The following PNLDC1 variants were observed in gnomAD, a reference collection of about 807,000 sequenced individuals.
PNLDC1 encodes the protein PARN like ribonuclease domain containing exonuclease 1.
A neutral mutation model predicts 82.0 loss-of-function variants in PNLDC1; 70 were observed. That is an observed-to-expected ratio of 0.85 (90% CI 0.70 to 1.04). The LOEUF (loss-of-function observed/expected upper bound fraction) is 1.04. PNLDC1 is among the 50% of genes least tolerant of loss of function. PNLDC1 has a pLI of 0.00. For missense variants in PNLDC1, 631 were observed against 661.1 expected (o/e 0.95, Z 0.50); for synonymous variants, 280 against 249.3 (o/e 1.12, Z -1.16).
At chr6:159,810,969 T>C (rs550483405) in intron 10 of PNLDC1, among the ~76,000 whole-genome samples, 19 of 152,340 alleles carry the variant, frequency 1.2e-4, no homozygotes, top group African/African-American at 3.6e-4. Flanking sequence ...GAAGTCATTG[T>C]AGCCACCACA....
Position 159,819,499 on chromosome 6 carries a change from T to C in PNLDC1, c.1532+147T>C. On this transcript the variant is annotated intron_variant, in intron 18 of 18. Transcript: ENST00000392167. This position sits in a 1 kb window ranked among gnomAD's most constrained non-coding sequence, Gnocchi z 4.6. ...GTGTTGACGAGTGTGGTGCCCTGAA[T>C]GTCCTTCAGTGATGCCGCGTGTCTG... 4.4e-6 allele frequency: 3 copies of C among 681,866 alleles called. No individual in the cohort carries two copies. Among genetic ancestry groups the C allele is most frequent in the South Asian group, 1.8e-5 (1 of 54,124 alleles). 42.2% of individuals were successfully genotyped at this position (681,866 alleles called of 1,614,324 possible).
Position 159,805,992 on chromosome 6 carries a change from T to TA in PNLDC1, c.474dup (p.Asp159ArgfsTer8). The TA allele has an allele frequency of 6.2e-7, 1 of 1,614,072 alleles. No homozygotes were observed. ...ATGCGCCCATTTTCAGCTCTCCGGA[T>TA]AAAGACCAAATCAAGGTGGTGATTG... On this transcript the variant is annotated frameshift_variant, in exon 7 of 19. Transcript: ENST00000392167. LOFTEE classifies it high-confidence loss of function.
At chr6:159,815,939 G>C (rs1408751900) in intron 12 of PNLDC1, 30 bp from the exon 13 acceptor site, 6 of 1,582,624 alleles carry the variant, frequency 3.8e-6, no homozygotes, top group Admixed American at 1.7e-5. Flanking sequence ...TCAGCAAATT[G>C]TTTTTTATTC....
rs202162395 is a variant in PNLDC1, at chr6:159,811,751, A to G, written c.904A>G (p.Ile302Val). ...TATCCACAGCCTATTTCCTGTTCTCATTGATACCAAGAGTGTAACAAAGGA... is the reference window on the plus strand; with the variant it reads ...TATCCACAGCCTATTTCCTGTTCTCGTTGATACCAAGAGTGTAACAAAGGA... ...QNIHSLFPVL[I>V]DTKSVTKDIW... Residue 302 changes from isoleucine to valine, a missense_variant, in exon 11 of 19, where the codon ATT becomes GTT. By Grantham distance (29) the Ile-to-Val change is conservative. Transcript: ENST00000392167. 11 of 1,613,452 alleles carry G rather than the reference A, an allele frequency of 6.8e-6. No homozygotes were observed. Among genetic ancestry groups the G allele is most frequent in the Middle Eastern group, 1.7e-4 (1 of 6,060 alleles).
chr6:159,813,268 C>T (rs554261759), intron 11 of PNLDC1, among the ~76,000 whole-genome samples: 1 of 152,302 alleles, frequency 6.6e-6, no homozygotes, highest in African/African-American at 2.4e-5. Context: ...CTTAGAATGC[C>T]TGTATGCTCC....
intron 10 of PNLDC1, among the ~76,000 whole-genome samples, chr6:159,810,776 T>C (rs1489898196): frequency 6.6e-6 from 1 of 152,186 alleles, no homozygotes; most frequent in Non-Finnish European, 1.5e-5. Context: ...CAAAGAACAC[T>C]AGTCTAGATT....
intron 3 of PNLDC1, 76 bp from the exon 4 acceptor site, chr6:159,803,195 G>A (rs116320984): frequency 1.0e-5 from 14 of 1,394,432 alleles, no homozygotes; most frequent in Non-Finnish European, 1.4e-5. Context: ...AGTACTGTTT[G>A]AGTTGTTTTT....
intron 12 of PNLDC1, among the ~76,000 whole-genome samples, chr6:159,815,620 G>T (rs757420351): frequency 1.3e-5 from 2 of 152,188 alleles, no homozygotes; most frequent in South Asian, 2.1e-4. Flanking sequence ...CATGCCTCAG[G>T]CCTTGCATTT....
At position 159,800,355 on chromosome 6, in the gene PNLDC1, G is replaced by A; in HGVS notation, c.48G>A (p.Gln16=). The A allele has an allele frequency of 6.5e-7, 1 of 1,548,068 alleles. No homozygotes were observed. The highest frequency in any genetic ancestry group is 8.7e-7 in the Non-Finnish European group (1 of 1,146,498). The change falls in exon 1 of 19, where the codon CAG becomes CAA. Residue 16 remains glutamine, a synonymous_variant. Transcript: ENST00000392167. ...DEFEESLPLL[Q]ELVQEADFVG... is the part of the protein sequence containing the mutation. ...TCGAGGAGAGCCTCCCTCTGCTGCA[G>A]GAGCTCGTCCAGGAGGCCGACTTCG...
At position 159,819,763 on chromosome 6, in the gene PNLDC1, C is replaced by T. The variant is rs1294012192; in HGVS notation, c.1532+411C>T. Reference sequence around the variant, plus strand: ...CATTAGAGACTTGGAGTGAGCCAGGCGGAGGGGGCAGCAGGACGGAGCCTT... The same window carrying T: ...CATTAGAGACTTGGAGTGAGCCAGGTGGAGGGGGCAGCAGGACGGAGCCTT... On this transcript the variant is annotated intron_variant, in intron 18 of 18. Coordinates refer to ENST00000392167, the MANE Select transcript of PNLDC1 (RefSeq NM_001271862.2). The surrounding 1 kb of genome is among the most constrained non-coding windows in gnomAD (Gnocchi z 4.6). Among the ~76,000 whole-genome samples, 6 of 151,958 alleles carry T rather than the reference C, an allele frequency of 3.9e-5. No homozygotes were observed. Among genetic ancestry groups the T allele is most frequent in the African/African-American group, 1.5e-4 (6 of 41,334 alleles).
rs1430382661 is a variant in PNLDC1, at chr6:159,800,809, G to C, written c.114G>C (p.Leu38=). 4 of 1,614,094 alleles carry C rather than the reference G, an allele frequency of 2.5e-6. No individual in the cohort carries two copies. Among genetic ancestry groups the C allele is most frequent in the Non-Finnish European group, 3.4e-6 (4 of 1,180,048 alleles). The change falls in exon 2 of 19, where the codon CTG becomes CTC. Residue 38 remains leucine (L), a synonymous_variant. Transcript: ENST00000392167. The stretch of plus-strand genomic sequence containing the variant: ...AGTTCACGGGCCTTCGTTCTAACCT[G>C]TCTGGGCCCCAGCAGATCAGGTAAA... ...DIEFTGLRSN[L]SGPQQISLFD...
intron 4 of PNLDC1, 129 bp downstream of exon 4, chr6:159,803,439 T>C: frequency 2.5e-6 from 2 of 784,548 alleles, no homozygotes; most frequent in Non-Finnish European, 4.3e-6. Flanking sequence ...CCTGTGTCTG[T>C]TCCTCCACTC....
chr6:159,819,277 A>G lies in PNLDC1; in HGVS notation c.1457A>G (p.Tyr486Cys). The G allele has an allele frequency of 1.2e-6, 2 of 1,613,922 alleles. No homozygotes were observed. Among genetic ancestry groups the G allele is most frequent in the Non-Finnish European group, 1.7e-6 (2 of 1,180,030 alleles). The change falls in exon 18 of 19, where the codon TAC becomes TGC. Residue 486 changes from tyrosine (Y) to cysteine (C), a missense_variant. By Grantham distance (194) the Tyr-to-Cys change is radical. Transcript: ENST00000392167. The surrounding 1 kb of genome is among the most constrained non-coding windows in gnomAD (Gnocchi z 4.6). ...AGTGCGCGGAACATCCTGAAGGAGTACCGGGACCACCCGACCCTGTGCATC... is the reference window on the plus strand; with the variant it reads ...AGTGCGCGGAACATCCTGAAGGAGTGCCGGGACCACCCGACCCTGTGCATC... ...FKDARNILKE[Y>C]RDHPTLCISL...
rs2115058151 is a variant in PNLDC1 at position 159,816,552 on chromosome 6, A to C, written c.1070A>C (p.Lys357Thr). The change falls in exon 14 of 19, where the codon AAG becomes ACG. Residue 357 changes from lysine to threonine, a missense_variant. Physicochemically the swap from Lys to Thr is moderately conservative, Grantham distance 78. Coordinates refer to ENST00000392167, the MANE Select transcript of PNLDC1 (RefSeq NM_001271862.2). ...GTGGAAAATGCCTCAGTTGAGACAA[A>C]GTGCCCCCACGAAGCCGCGTATGAT... The part of the protein sequence containing the change: ...ASRCEKYVET[K>T]CPHEAAYDAF... 2 of 1,613,758 alleles carry C rather than the reference A, an allele frequency of 1.2e-6. No homozygotes were observed. The highest frequency in any genetic ancestry group is 3.3e-4 in the Middle Eastern group (2 of 6,062).
At chr6:159,800,227 C>A (rs1781181980), upstream of PNLDC1, 14 of 1,386,694 alleles carry the variant, frequency 1.0e-5, no homozygotes, top group South Asian at 1.9e-4. Flanking sequence ...CCCTTTAAGA[C>A]CCGGCGGCGC....
chr6:159,815,680 C>T (rs927008981), intron 12 of PNLDC1, among the ~76,000 whole-genome samples: 1 of 152,192 alleles, frequency 6.6e-6, no homozygotes, highest in South Asian at 2.1e-4. Flanking sequence ...GGCCACTAGA[C>T]AGCTCCGGAG....
intron 12 of PNLDC1, among the ~76,000 whole-genome samples, chr6:159,814,347 G>A (rs79808953): frequency 7.2e-5 from 11 of 152,178 alleles, no homozygotes; most frequent in South Asian, 4.2e-4. Flanking sequence ...TGTCTCCTAC[G>A]TTTTCTCTCA....
In PNLDC1 at chr6:159,820,539, C is replaced by T. The variant is rs755038341; in HGVS notation, c.*22C>T. ...CTGAGTGCAGCGAGGCCTCCTGCGG[C>T]CACCCTCGGGTCCCCATGCTCTCTG... On this transcript the variant is annotated 3_prime_UTR_variant, in exon 19 of 19. Transcript: ENST00000392167. The T allele has an allele frequency of 1.2e-6, 2 of 1,612,980 alleles. No individual in the cohort carries two copies. Among genetic ancestry groups the T allele is most frequent in the African/African-American group, 1.3e-5 (1 of 75,006 alleles).
rs1781350340 is a variant in PNLDC1 at position 159,803,862 on chromosome 6, ATTC to A, written c.249-97_249-95del. 8.5e-6 allele frequency: 11 copies of A among 1,299,516 alleles called. No homozygotes were observed. In the South Asian group the frequency reaches 1.6e-4, roughly 19 times the overall value. 80.5% of individuals were successfully genotyped at this position (1,299,516 alleles called of 1,614,324 possible). ...ACAGCAGACACTCGGGCACACTCAGATTCTTCTTGCCTAAAAGAAAGAGCCCAC... is the reference window on the plus strand; with the variant it reads ...ACAGCAGACACTCGGGCACACTCAGATTCTTGCCTAAAAGAAAGAGCCCAC... On this transcript the variant is annotated intron_variant, in intron 4 of 18. Coordinates refer to ENST00000392167, the MANE Select transcript of PNLDC1 (RefSeq NM_001271862.2).
Sources: allele counts gnomAD v4.1 joint callset (sites outside exome capture counted in the v4.1 genomes callset), GRCh38; gene constraint gnomAD v4.1.1; non-coding constraint Gnocchi (gnomAD v3.1); transcripts MANE v1.5; gene names NCBI Gene and HGNC (gene_info 2026-07-23, HGNC 2026-07-21).